JADE2: variants seen among roughly 807,000 people sequenced by gnomAD.
The protein encoded by JADE2 is jade family PHD finger 2, also known as E3 ubiquitin-protein ligase Jade-2.
In JADE2, 13 loss-of-function variants were observed where a neutral mutation model predicts 85.7. The observed-to-expected ratio is 0.15, with a 90% CI of 0.10 to 0.24. The LOEUF is 0.24. Among genes scored for constraint, JADE2 ranks in the 10% least tolerant of loss-of-function variants. The pLI is 1.00. For missense variants in JADE2, 846 were observed against 1,115.9 expected (o/e 0.76, Z 3.45); for synonymous variants, 440 against 456.1 (o/e 0.96, Z 0.45).
chr5:134,574,319 A>C, intron 10 of JADE2: 1 of 177,764 alleles, frequency 5.6e-6, no homozygotes, highest in Admixed American at 6.1e-5. Context: ...TGGATCTGGA[A>C]ATCAAAGGCT....
intron 3 of JADE2, among the ~76,000 whole-genome samples, chr5:134,539,199 C>G (rs1265402871): frequency 6.6e-6 from 1 of 151,916 alleles, no homozygotes; most frequent in African/African-American, 2.4e-5. Flanking sequence ...GTGGCTGGGA[C>G]TACAGGCGCC....
intron 10 of JADE2, chr5:134,574,079 C>T (rs2150017345): frequency 2.5e-6 from 1 of 392,802 alleles, no homozygotes; most frequent in South Asian, 2.3e-5. Flanking sequence ...GAGAAGAAGT[C>T]CTAGTGGCTC....
At chr5:134,572,000 T>G (rs1006843220) in intron 9 of JADE2, among the ~76,000 whole-genome samples, 1 of 152,196 alleles carries the variant, frequency 6.6e-6, no homozygotes, top group Non-Finnish European at 1.5e-5. Flanking sequence ...AGCACCTACC[T>G]CCCCTGAGAA....
chr5:134,578,614 G>T lies in JADE2; in HGVS notation c.1802G>T (p.Arg601Leu), dbSNP rs202240384. Residue 601 changes from arginine to leucine, a missense_variant, in exon 12 of 12, where the codon CGC (arginine) becomes CTC (leucine). Physicochemically the swap from Arg to Leu is moderately radical, Grantham distance 102. Around this residue, in one of 9 missense-constraint regions of JADE2, gnomAD observed 119 missense variants for 163.9 expected, o/e 0.73. Transcript: ENST00000681547. The surrounding 1 kb of genome is among the most constrained non-coding windows in gnomAD (Gnocchi z 4.4). ...GAGTGGCCACTGAACAATGGGCACC[G>T]CGAGGACCCTGCTCCAGGGCTGCTG... ...MSEWPLNNGH[R>L]EDPAPGLLSE... The T allele has an allele frequency of 6.2e-7, 1 of 1,614,154 alleles. No individual in the cohort carries two copies. Among genetic ancestry groups the T allele is most frequent in the African/African-American group, 1.3e-5 (1 of 75,044 alleles).
chr5:134,540,210 G>C (rs1270395879), intron 3 of JADE2, among the ~76,000 whole-genome samples: 1 of 148,236 alleles, frequency 6.7e-6, no homozygotes, highest in East Asian at 2.1e-4. Context: ...CCCCACCCTC[G>C]GTCTTTTTTT....
intron 7 of JADE2, among the ~76,000 whole-genome samples, chr5:134,563,993 GA>G (rs1763485228): frequency 1.3e-5 from 2 of 152,184 alleles, no homozygotes; most frequent in Non-Finnish European, 2.9e-5. Flanking sequence ...ATCCCCAGGA[GA>G]GCCCTAAAGA....
intron 3 of JADE2, among the ~76,000 whole-genome samples, chr5:134,541,060 C>T (rs1481305442): frequency 1.3e-5 from 2 of 152,240 alleles, no homozygotes; most frequent in Non-Finnish European, 2.9e-5. Flanking sequence ...ACTAGCTCCA[C>T]GTGGCCCTGG....
chr5:134,541,345 G>T (rs1761951324), intron 3 of JADE2, among the ~76,000 whole-genome samples: 1 of 152,244 alleles, frequency 6.6e-6, no homozygotes, highest in Non-Finnish European at 1.5e-5. Flanking sequence ...AAGTTATTTG[G>T]CTCATGAGAG....
intron 4 of JADE2, among the ~76,000 whole-genome samples, chr5:134,553,715 T>G (rs1436125595): frequency 6.6e-6 from 1 of 152,242 alleles, no homozygotes; most frequent in African/African-American, 2.4e-5. Flanking sequence ...GTCAAGTGCC[T>G]GGCATACAGC....
At chr5:134,538,111 C>T in intron 3 of JADE2, 28 bp downstream of exon 3, 2 of 1,558,132 alleles carry the variant, frequency 1.3e-6, no homozygotes, top group Non-Finnish European at 1.8e-6. Context: ...TCCCAGAGAT[C>T]TGTGGGGAGT....
intron 1 of JADE2, chr5:134,526,856 A>T: frequency 1.3e-6 from 1 of 747,792 alleles, no homozygotes; most frequent in Non-Finnish European, 1.6e-6. Context: ...AGCTGGGGAG[A>T]GGCGCTGGGA....
At position 134,562,122 on chromosome 5, in the gene JADE2, G is replaced by C. The variant is rs1384974011; in HGVS notation, c.685-78G>C. On this transcript the variant is annotated intron_variant, in intron 6 of 11. Transcript: ENST00000681547. The surrounding 1 kb of genome is among the most constrained non-coding windows in gnomAD (Gnocchi z 4.6). ...AGCAGTGTAGCATGGGGCTGGCACT[G>C]GACCAAATGCAGCTGACTGCTGACC... 1 of 1,447,180 alleles carries C rather than the reference G, an allele frequency of 6.9e-7. No individual in the cohort carries two copies. Among genetic ancestry groups the C allele is most frequent in the Non-Finnish European group, 9.4e-7 (1 of 1,063,884 alleles). The allele number at this position is 1,447,180 out of a possible 1,614,324, so 89.6% of individuals were successfully genotyped here.
chr5:134,555,251 AG>A lies in JADE2; in HGVS notation c.311+3045del, dbSNP rs765270092. 1.5e-3 allele frequency among the ~76,000 whole-genome samples: 221 copies of A among 152,272 alleles called. 1 individual carries two copies. Among genetic ancestry groups the A allele is most frequent in the Non-Finnish European group, 2.7e-3 (181 of 68,000 alleles). ...GCCCCTCTCCAGACTGAATTGAGTG[AG>A]GGCCTGTCCTGCCCCTCACTGGGGC... On this transcript the variant is annotated intron_variant, in intron 4 of 11. Transcript: ENST00000681547.
At chr5:134,575,842 A>G (rs534807380) in intron 10 of JADE2, 2 of 152,202 alleles carry the variant, frequency 1.3e-5, no homozygotes, top group East Asian at 3.9e-4. Flanking sequence ...CAAGCGAGCT[A>G]TGATTACACC....
chr5:134,526,463 T>C, intron 1 of JADE2: 2 of 984,872 alleles, frequency 2.0e-6, no homozygotes, highest in Non-Finnish European at 2.4e-6. Context: ...GGGCGGGGGC[T>C]CCGAGAACCT....
chr5:134,533,761 T>G (rs1388476892), intron 1 of JADE2, among the ~76,000 whole-genome samples: 4 of 110,328 alleles, frequency 3.6e-5, no homozygotes, highest in Admixed American at 1.0e-4. Context: ...TTTTTTTTTT[T>G]TTTGAGATAA....
At chr5:134,554,875 T>C (rs1339687728) in intron 4 of JADE2, among the ~76,000 whole-genome samples, 1 of 152,246 alleles carries the variant, frequency 6.6e-6, no homozygotes. Flanking sequence ...GGACTTGCTA[T>C]GCTGAGCCTG....
intron 3 of JADE2, among the ~76,000 whole-genome samples, chr5:134,540,512 G>C (rs7703187): frequency 6.6e-6 from 1 of 151,960 alleles, no homozygotes; most frequent in Non-Finnish European, 1.5e-5. Flanking sequence ...AGGATTACAG[G>C]CATGAGCTAC....
chr5:134,552,906 C>G (rs1258383767), intron 4 of JADE2, among the ~76,000 whole-genome samples: 2 of 150,956 alleles, frequency 1.3e-5, no homozygotes, highest in African/African-American at 2.4e-5. Flanking sequence ...CTCCTGGGCT[C>G]AAGCGATCTG....
Sources: allele counts gnomAD v4.1 joint callset (sites outside exome capture counted in the v4.1 genomes callset), GRCh38; gene constraint gnomAD v4.1.1; regional missense constraint gnomAD v4.1.1; non-coding constraint Gnocchi (gnomAD v3.1); transcripts MANE v1.5; gene names NCBI Gene and HGNC (gene_info 2026-07-23, HGNC 2026-07-21).